The following GLI3 variants were observed in gnomAD, a reference collection of about 807,000 sequenced individuals.
The protein encoded by GLI3 is GLI family zinc finger 3, also known as transcription activator GLI3.
In GLI3, 20 loss-of-function variants were observed where a neutral mutation model predicts 100.8. That is an observed-to-expected ratio of 0.20 (90% confidence interval 0.14 to 0.29). GLI3 has a LOEUF of 0.29. Among genes scored for constraint, GLI3 ranks in the 10% least tolerant of loss-of-function variants. The pLI is 1.00. For synonymous variants in GLI3, 938 were observed against 860.5 expected, an observed-to-expected ratio of 1.09 and a Z score of -1.58; for missense variants, 2,040 against 2,128.5, an observed-to-expected ratio of 0.96 and a Z score of 0.82.
rs1421752181 is a variant in GLI3 at position 41,977,735 on chromosome 7, G to C, written c.1648-13C>G. On this transcript the variant is annotated splice_polypyrimidine_tract_variant and intron_variant, in intron 11 of 14. Transcript: ENST00000395925. ...TGCAACCTTCAAACTGAGGACAACA[G>C]GTAAATCTGGATTACTCTGCACAAT... The C allele has an allele frequency of 1.2e-6, 2 of 1,612,776 alleles. No homozygotes were observed. Among genetic ancestry groups the C allele is most frequent in the African/African-American group, 2.7e-5 (2 of 74,900 alleles).
chr7:42,163,281 T>C (rs6964128), intron 2 of GLI3, among the ~76,000 whole-genome samples: 8,065 of 152,020 alleles, frequency 0.053, 487 homozygotes, highest in African/African-American at 0.15. Flanking sequence ...TGCCAAAGAA[T>C]GCTCATCTCC....
chr7:42,151,900 GAAAAA>G (rs371941576), intron 2 of GLI3: 3 of 141,926 alleles, frequency 2.1e-5, no homozygotes, highest in African/African-American at 7.7e-5. Flanking sequence ...TAGAAACTCA[GAAAAA>G]AAAAAAAGTG....
intron 13 of GLI3, among the ~76,000 whole-genome samples, chr7:41,969,978 A>G (rs1282140535): frequency 2.6e-5 from 4 of 152,142 alleles, no homozygotes; most frequent in Non-Finnish European, 1.5e-5. Context: ...CTAACTCCAC[A>G]TTTTTCACAT....
chr7:42,175,795 G>A (rs992573002), intron 2 of GLI3, among the ~76,000 whole-genome samples: 10 of 152,076 alleles, frequency 6.6e-5, no homozygotes, highest in Non-Finnish European at 1.3e-4. Flanking sequence ...AACAACTACC[G>A]AATATCAGAC....
Position 42,016,914 on chromosome 7 carries a change from C to T in GLI3, c.1497+6554G>A, listed in dbSNP as rs533314331. Reference sequence around the variant, plus strand: ...GTTTCACCTCTTGTTGTTCACTATGCTTTTATGTTTCCTTATCTCCTCCTC... The same window carrying T: ...GTTTCACCTCTTGTTGTTCACTATGTTTTTATGTTTCCTTATCTCCTCCTC... On this transcript the variant is annotated intron_variant, in intron 10 of 14. Coordinates refer to ENST00000395925, the MANE Select transcript of GLI3 (RefSeq NM_000168.6). 2.4e-4 allele frequency among the ~76,000 whole-genome samples: 37 copies of T among 152,280 alleles called. No homozygotes were observed. The South Asian group carries it at 7.1e-3, about 29-fold the overall frequency.
rs976707215 is a variant in GLI3, at chr7:41,972,135, A to T, written c.2103+202T>A. Among the ~76,000 whole-genome samples the T allele has an allele frequency of 6.6e-6, 1 of 152,130 alleles. No homozygotes were observed. Among genetic ancestry groups the T allele is most frequent in the South Asian group, 2.1e-4 (1 of 4,818 alleles). Reference sequence around the variant, plus strand: ...GTGGTATGGTTCTGGGAGGGATTTTAAAAATCAGTTAGGAAACCTGGAAAC... The same window carrying T: ...GTGGTATGGTTCTGGGAGGGATTTTTAAAATCAGTTAGGAAACCTGGAAAC... On this transcript the variant is annotated intron_variant, in intron 13 of 14. Coordinates refer to ENST00000395925, the MANE Select transcript of GLI3 (RefSeq NM_000168.6). This position sits in a 1 kb window ranked among gnomAD's most constrained non-coding sequence, Gnocchi z 4.4.
At chr7:42,257,756 T>A (rs1229542372) in intron 1 of GLI3, among the ~76,000 whole-genome samples, 1 of 152,108 alleles carries the variant, frequency 6.6e-6, no homozygotes, top group Non-Finnish European at 1.5e-5. Flanking sequence ...AAAAAAAAAA[T>A]CATGAATGGA....
At chr7:42,180,264 G>A (rs137930866) in intron 2 of GLI3, among the ~76,000 whole-genome samples, 3 of 152,264 alleles carry the variant, frequency 2.0e-5, no homozygotes, top group African/African-American at 7.2e-5. Flanking sequence ...ACTGACCACT[G>A]GTCTAAGCAA....
At chr7:42,058,865 C>T (rs1274339862) in intron 4 of GLI3, among the ~76,000 whole-genome samples, 1 of 152,174 alleles carries the variant, frequency 6.6e-6, no homozygotes, top group African/African-American at 2.4e-5. Flanking sequence ...CTACTCTGTA[C>T]TGTAAATATA....
chr7:42,101,893 A>T (rs1187452724), intron 3 of GLI3, among the ~76,000 whole-genome samples: 1 of 129,308 alleles, frequency 7.7e-6, no homozygotes, highest in African/African-American at 3.4e-5. Context: ...TGTCCATGTG[A>T]TCTCATTGTT....
intron 7 of GLI3, among the ~76,000 whole-genome samples, chr7:42,031,441 G>C (rs1408541549): frequency 2.0e-5 from 3 of 152,178 alleles, no homozygotes; most frequent in East Asian, 3.9e-4. Flanking sequence ...TGGAGAGAAA[G>C]AGAAAGAAGT....
chr7:41,985,374 TG>T (rs1420459377), intron 10 of GLI3, among the ~76,000 whole-genome samples: 1 of 152,176 alleles, frequency 6.6e-6, no homozygotes, highest in Non-Finnish European at 1.5e-5. Context: ...TGGGATTTGC[TG>T]GGGAAAGATA....
In GLI3 at chr7:41,965,273, G is replaced by A. The variant is rs1787130870; in HGVS notation, c.3800C>T (p.Ala1267Val). The A allele has an allele frequency of 2.5e-6, 4 of 1,613,584 alleles. No homozygotes were observed. Among genetic ancestry groups the A allele is most frequent in the Non-Finnish European group, 2.5e-6 (3 of 1,179,644 alleles). The change falls in exon 15 of 15, where the codon GCA (alanine) becomes GTA (valine). Residue 1267 changes from alanine to valine, a missense_variant. By Grantham distance (64) the Ala-to-Val change is moderately conservative. This residue lies in a region of GLI3 where 1,041 missense variants were observed against 924.0 expected (regional missense o/e 1.13). Transcript: ENST00000395925. ...CCCGGCACCACAGGCACCGTCGAGT[G>A]CACCAGGGGCCACTGGCTGCCTGTT... ...CLNRQPVAPG[A>V]LDGACGAGIQ...
chr7:42,106,981 T>C (rs994827620), intron 3 of GLI3, among the ~76,000 whole-genome samples: 12 of 152,060 alleles, frequency 7.9e-5, no homozygotes, highest in Non-Finnish European at 1.6e-4. Flanking sequence ...TACTGATTTG[T>C]AGTAATTAAA....
intron 2 of GLI3, among the ~76,000 whole-genome samples, chr7:42,198,981 A>G (rs1045823400): frequency 1.3e-5 from 2 of 152,046 alleles, no homozygotes; most frequent in African/African-American, 2.4e-5. Context: ...TTCACTGCCA[A>G]CTAAAATGAC....
At chr7:41,967,079 G>A (rs552127274) in intron 14 of GLI3, among the ~76,000 whole-genome samples, 109 of 152,328 alleles carry the variant, frequency 7.2e-4, no homozygotes, top group African/African-American at 2.5e-3. Flanking sequence ...CGCTCAGGGC[G>A]TCCTGTTCAT....
intron 7 of GLI3, among the ~76,000 whole-genome samples, chr7:42,036,588 T>C (rs558451548): frequency 3.9e-4 from 59 of 152,224 alleles, no homozygotes; most frequent in Non-Finnish European, 6.5e-4. Flanking sequence ...GGCATAGATG[T>C]GAAGGAGACA....
At chr7:42,256,619 C>G (rs1339970465) in intron 1 of GLI3, among the ~76,000 whole-genome samples, 6 of 152,268 alleles carry the variant, frequency 3.9e-5, no homozygotes, top group Non-Finnish European at 8.8e-5. Flanking sequence ...TCTGGACTAT[C>G]AAGTGTATTC....
chr7:42,191,557 C>G (rs1438675855), intron 2 of GLI3, among the ~76,000 whole-genome samples: 1 of 152,012 alleles, frequency 6.6e-6, no homozygotes, highest in Non-Finnish European at 1.5e-5. Flanking sequence ...GACGCTGAGG[C>G]AGGAGAATCG....
Sources: gnomAD v4.1 joint callset for allele counts (sites outside exome capture counted in the v4.1 genomes callset) on GRCh38, gnomAD v4.1.1 for gene constraint, gnomAD v4.1.1 regional missense constraint, Gnocchi (gnomAD v3.1) non-coding constraint, MANE v1.5 for transcripts, NCBI Gene and HGNC (gene_info 2026-07-23, HGNC 2026-07-21) for gene names.